ASPH: variants seen among roughly 807,000 people sequenced by gnomAD.
ASPH encodes aspartyl/asparaginyl beta-hydroxylase.
In ASPH, 100 loss-of-function variants were observed where a neutral mutation model predicts 118.4. That is an observed-to-expected ratio of 0.84 (90% CI 0.72 to 1.00). ASPH has a LOEUF of 1.00. Ranked by LOEUF, ASPH falls within the 50% of genes least tolerant of loss-of-function variation. The pLI is 0.00. For missense variants in ASPH, 920 were observed against 919.5 expected, an observed-to-expected ratio of 1.00 and a Z score of -0.01; for synonymous variants, 315 against 325.6, an observed-to-expected ratio of 0.97 and a Z score of 0.35.
chr8:61,531,849 T>C (rs940170967), intron 21 of ASPH, among the ~76,000 whole-genome samples: 1 of 152,204 alleles, frequency 6.6e-6, no homozygotes, highest in African/African-American at 2.4e-5. Context: ...GATTCATTCA[T>C]GTTGTTGCAT....
At position 61,579,067 on chromosome 8, in the gene ASPH, A is replaced by G. The variant is rs986012545; in HGVS notation, c.1063-2209T>C. The G allele has an allele frequency of 3.7e-6, 6 of 1,610,942 alleles. No homozygotes were observed. The Admixed American group carries it at 5.0e-5, about 13-fold the overall frequency. ...CGGGCTGAGGCTGAGAGCATGTACC[A>G]GATCAAGTATGAGGAGCTGCAGAGT... is the stretch of plus-strand genomic sequence containing the variant. On this transcript the variant is annotated intron_variant, in intron 15 of 24. Transcript: ENST00000379454.
chr8:61,682,461 A>G (rs545140016), intron 2 of ASPH: 28 of 1,612,822 alleles, frequency 1.7e-5, no homozygotes, highest in Middle Eastern at 3.3e-4. Context: ...CTGATAAGTT[A>G]TAACGGAAGT....
At chr8:61,697,914 C>T (rs919433405) in intron 1 of ASPH, among the ~76,000 whole-genome samples, 1 of 152,034 alleles carries the variant, frequency 6.6e-6, no homozygotes, top group Non-Finnish European at 1.5e-5. Context: ...CCTCAGCCTC[C>T]TGAGTAGCTG....
rs1805962967 is a variant in ASPH at position 61,642,921 on chromosome 8, C to A, written c.758-1G>T. 2 of 1,547,130 alleles carry A rather than the reference C, an allele frequency of 1.3e-6. No homozygotes were observed. Among genetic ancestry groups the A allele is most frequent in the Non-Finnish European group, 8.7e-7 (1 of 1,155,430 alleles). On this transcript the variant is annotated splice_acceptor_variant, in intron 9 of 24. Coordinates refer to ENST00000379454, the MANE Select transcript of ASPH (RefSeq NM_004318.4). LOFTEE classifies it high-confidence loss of function. Reference sequence around the variant, plus strand: ...TCATAGACTTGGTATGTTACATCATCTGAAAAAAAAAAGAGAATAAAAGCA... The same window carrying A: ...TCATAGACTTGGTATGTTACATCATATGAAAAAAAAAAGAGAATAAAAGCA...
chr8:61,665,964 C>T (rs1416806029), intron 3 of ASPH, among the ~76,000 whole-genome samples: 2 of 151,946 alleles, frequency 1.3e-5, no homozygotes, highest in Non-Finnish European at 2.9e-5. Context: ...ACACTGGCAA[C>T]GTAAGAACAA....
intron 10 of ASPH, among the ~76,000 whole-genome samples, chr8:61,641,369 T>C (rs1805051830): frequency 6.6e-6 from 1 of 152,162 alleles, no homozygotes; most frequent in African/African-American, 2.4e-5. Flanking sequence ...GAGGAAAATA[T>C]CTCAAATCCC....
rs144585163 is a variant in ASPH, at chr8:61,532,395, T to C, written c.1765-6283A>G. Among the ~76,000 whole-genome samples the C allele has an allele frequency of 6.6e-4, 101 of 152,340 alleles. 1 individual carries two copies. The Middle Eastern group carries it at 0.027, about 41-fold the overall frequency. On this transcript the variant is annotated intron_variant, in intron 21 of 24. Transcript: ENST00000379454. ...ATTGGGTTATTCAGTTTTTTTGCCA[T>C]TGAGTTGCATTAGTTCCTTCTATAT...
Position 61,589,215 on chromosome 8 carries a change from C to A in ASPH, c.977-5186G>T, listed in dbSNP as rs1470690671. Among the ~76,000 whole-genome samples, 13 of 152,124 alleles carry A rather than the reference C, an allele frequency of 8.5e-5. No homozygotes were observed. In the South Asian group the frequency reaches 2.5e-3, roughly 29 times the overall value. On this transcript the variant is annotated intron_variant, in intron 14 of 24. Transcript: ENST00000379454. The stretch of plus-strand genomic sequence containing the variant: ...ATGTATATGCATCATAGAATACACA[C>A]TATAAAAGGTAAATTTTACTGTATG...
chr8:61,596,644 G>A (rs78352162), intron 14 of ASPH, among the ~76,000 whole-genome samples: 2,814 of 152,240 alleles, frequency 0.018, 86 homozygotes, highest in African/African-American at 0.065. Context: ...GCTGAACACA[G>A]CCAAGGAAAT....
At chr8:61,617,837 G>A (rs572713962) in intron 14 of ASPH, among the ~76,000 whole-genome samples, 147 of 150,848 alleles carry the variant, frequency 9.7e-4, no homozygotes, top group Middle Eastern at 3.4e-3. Context: ...GGAGGCTGAG[G>A]CAGGAGAATT....
At chr8:61,608,476 T>C (rs1214033248) in intron 14 of ASPH, among the ~76,000 whole-genome samples, 1 of 152,242 alleles carries the variant, frequency 6.6e-6, no homozygotes, top group Non-Finnish European at 1.5e-5. Context: ...GTGGCTCATA[T>C]GGTTATCTTT....
At position 61,633,679 on chromosome 8, in the gene ASPH, A is replaced by G. The variant is rs946694465; in HGVS notation, c.934+4T>C. The G allele has an allele frequency of 1.3e-6, 2 of 1,596,846 alleles. No individual in the cohort carries two copies. Among genetic ancestry groups the G allele is most frequent in the South Asian group, 1.2e-5 (1 of 86,888 alleles). The stretch of plus-strand genomic sequence containing the variant: ...AGGAAAATACAACATACAAAATGTC[A>G]TACCTGGTGGTACTTCCTGCTGTTC... On this transcript the variant is annotated splice_donor_region_variant and intron_variant, in intron 13 of 24. Transcript: ENST00000379454.
intron 14 of ASPH, among the ~76,000 whole-genome samples, chr8:61,592,855 T>A (rs899171515): frequency 6.6e-6 from 1 of 152,186 alleles, no homozygotes; most frequent in African/African-American, 2.4e-5. Flanking sequence ...GAAACATCAC[T>A]CTACATTTGT....
intron 3 of ASPH, chr8:61,665,624 T>A (rs1395472512): frequency 1.9e-6 from 3 of 1,545,514 alleles, no homozygotes; most frequent in Admixed American, 2.3e-5. Flanking sequence ...ATTTTCCAAT[T>A]AAAGGAAAAA....
intron 13 of ASPH, chr8:61,624,858 A>G: frequency 1.0e-6 from 1 of 985,670 alleles, no homozygotes; most frequent in Non-Finnish European, 1.2e-6. Flanking sequence ...TAATTTGAGT[A>G]TCATCTCTGT....
chr8:61,518,194 G>A lies in ASPH; in HGVS notation c.1901-71C>T, dbSNP rs1439403185. On this transcript the variant is annotated intron_variant, in intron 22 of 24. Coordinates refer to ENST00000379454, the MANE Select transcript of ASPH (RefSeq NM_004318.4). ...TAAACTTATCCCATTTAGATGAGGT[G>A]AGAGCTATATGTCATCCTCACTGCA... is the stretch of plus-strand genomic sequence containing the variant. The A allele has an allele frequency of 5.9e-6, 8 of 1,359,162 alleles. No individual in the cohort carries two copies. The Admixed American group carries it at 1.4e-4, about 24-fold the overall frequency. The allele number at this position is 1,359,162 out of a possible 1,614,324, so 84.2% of individuals were successfully genotyped here. A position where few individuals can be genotyped will look rare whatever the true frequency, so the allele number is the denominator to read the frequency against.
At chr8:61,711,216 C>T (rs1469253725) in intron 1 of ASPH, among the ~76,000 whole-genome samples, 1 of 152,022 alleles carries the variant, frequency 6.6e-6, no homozygotes, top group African/African-American at 2.4e-5. Flanking sequence ...AGATGGAAAG[C>T]TGCTAGGAGA....
intron 15 of ASPH, among the ~76,000 whole-genome samples, chr8:61,579,922 AAAAAAAAAAAT>A (rs1454536302): frequency 2.7e-5 from 4 of 149,818 alleles, no homozygotes; most frequent in Admixed American, 6.7e-5. Context: ...AAAAAAAAAA[AAAAAAAAAAAT>A]GGGAGAAATT....
intron 1 of ASPH, among the ~76,000 whole-genome samples, chr8:61,695,053 G>C (rs1325657313): frequency 2.6e-5 from 4 of 152,122 alleles, no homozygotes; most frequent in Non-Finnish European, 5.9e-5. Context: ...TCAGCACCTG[G>C]GTCACCCTTG....
Sources: gnomAD v4.1 joint callset for allele counts (sites outside exome capture counted in the v4.1 genomes callset) on GRCh38, gnomAD v4.1.1 for gene constraint, MANE v1.5 for transcripts, NCBI Gene and HGNC (gene_info 2026-07-23, HGNC 2026-07-21) for gene names.